Variants in MCC observed in about 807,000 individuals in gnomAD.
MCC encodes MCC regulator of Wnt signaling pathway.
In MCC, 90 loss-of-function variants were observed where a neutral mutation model predicts 116.2. The ratio of observed to expected loss-of-function variants is 0.77; its 90% CI spans 0.65 to 0.92. The LOEUF (loss-of-function observed/expected upper bound fraction) is 0.92. Among genes scored for constraint, MCC ranks in the 40% least tolerant of loss-of-function variants. MCC has a pLI of 0.00. For missense variants in MCC, 1,516 were observed against 1,312.2 expected, an observed-to-expected ratio of 1.16 and a Z score of -2.40; for synonymous variants, 578 against 510.5, an observed-to-expected ratio of 1.13 and a Z score of -1.78.
At position 113,184,397 on chromosome 5, in the gene MCC, C is replaced by G. The variant is rs561171351; in HGVS notation, c.628-32975G>C. Among the ~76,000 whole-genome samples the G allele has an allele frequency of 6.6e-5, 10 of 151,702 alleles. No individual in the cohort carries two copies. The South Asian group carries it at 2.1e-3, about 32-fold the overall frequency. On this transcript the variant is annotated intron_variant, in intron 3 of 18. Transcript: ENST00000408903. ...AAAGATGCTGGAAGAAAAATTAGAC[C>G]AACTTGTAAAACTTTACTTTGCTGA...
At chr5:113,065,368 C>A (rs1373799757) in intron 13 of MCC, among the ~76,000 whole-genome samples, 2 of 152,148 alleles carry the variant, frequency 1.3e-5, no homozygotes, top group African/African-American at 2.4e-5. Flanking sequence ...AAAAACAAAG[C>A]CTTAAAAAAA....
At chr5:113,318,936 A>T (rs1309956669) in intron 3 of MCC, among the ~76,000 whole-genome samples, 1 of 152,152 alleles carries the variant, frequency 6.6e-6, no homozygotes, top group Admixed American at 6.5e-5. Flanking sequence ...GTGTGATCTC[A>T]GCTTACCGCA....
intron 1 of MCC, among the ~76,000 whole-genome samples, chr5:113,483,496 G>T (rs1772432756): frequency 6.6e-6 from 1 of 151,952 alleles, no homozygotes; most frequent in East Asian, 1.9e-4. Flanking sequence ...AATATCCCTT[G>T]GTTATGGGAT....
chr5:113,280,286 C>T (rs1765994166), intron 3 of MCC, among the ~76,000 whole-genome samples: 1 of 152,216 alleles, frequency 6.6e-6, no homozygotes, highest in Non-Finnish European at 1.5e-5. Context: ...CAGGGGCTCA[C>T]ACCGCTGGTT....
intron 3 of MCC, among the ~76,000 whole-genome samples, chr5:113,235,911 T>C (rs144265824): frequency 6.6e-6 from 1 of 152,362 alleles, no homozygotes; most frequent in East Asian, 1.9e-4. Context: ...GACCTGATTT[T>C]GGTAGCCGTT....
chr5:113,192,831 G>T (rs1762213194), intron 3 of MCC, among the ~76,000 whole-genome samples: 1 of 152,374 alleles, frequency 6.6e-6, no homozygotes, highest in African/African-American at 2.4e-5. Flanking sequence ...CTACTAAGTA[G>T]TAGATGTCAG....
At position 113,456,747 on chromosome 5, in the gene MCC, A is replaced by C. The variant is rs1036532296; in HGVS notation, c.170+31498T>G. Reference sequence around the variant, plus strand: ...CGGCCTCCCAAAATGCTGGTATTACAGGCGTGAGCCACTGCGCCCGGCCAA... The same window carrying C: ...CGGCCTCCCAAAATGCTGGTATTACCGGCGTGAGCCACTGCGCCCGGCCAA... On this transcript the variant is annotated intron_variant, in intron 1 of 18. Coordinates refer to ENST00000408903, the MANE Select transcript of MCC (RefSeq NM_001085377.2). Among the ~76,000 whole-genome samples, 6 of 147,388 alleles carry C rather than the reference A, an allele frequency of 4.1e-5. 1 individual carries two copies. In the South Asian group the frequency reaches 1.1e-3, roughly 26 times the overall value.
At chr5:113,466,807 A>G (rs1771923203) in intron 1 of MCC, among the ~76,000 whole-genome samples, 1 of 151,892 alleles carries the variant, frequency 6.6e-6, no homozygotes, top group African/African-American at 2.4e-5. Flanking sequence ...CCAACAGTGT[A>G]AAAGTGTTCC....
chr5:113,470,394 C>T (rs1317774019), intron 1 of MCC, among the ~76,000 whole-genome samples: 6 of 150,784 alleles, frequency 4.0e-5, no homozygotes, highest in African/African-American at 1.5e-4. Context: ...CAAAATCTCT[C>T]AGCATTTGCT....
At chr5:113,276,631 G>A (rs1447947135) in intron 3 of MCC, among the ~76,000 whole-genome samples, 1 of 152,036 alleles carries the variant, frequency 6.6e-6, no homozygotes, top group Non-Finnish European at 1.5e-5. Context: ...TAAAAATCAA[G>A]TTGTTTGTTT....
intron 1 of MCC, among the ~76,000 whole-genome samples, chr5:113,410,227 C>T (rs930051369): frequency 1.3e-5 from 2 of 152,166 alleles, no homozygotes; most frequent in African/African-American, 4.8e-5. Context: ...TATACCTATA[C>T]AAGGGATACC....
intron 2 of MCC, among the ~76,000 whole-genome samples, chr5:113,375,780 A>G (rs1478661122): frequency 6.6e-6 from 1 of 152,142 alleles, no homozygotes; most frequent in Non-Finnish European, 1.5e-5. Context: ...AAGGGATTTG[A>G]GGCCTTGGCT....
At chr5:113,111,311 AT>A (rs1394956462) in intron 6 of MCC, among the ~76,000 whole-genome samples, 1 of 152,120 alleles carries the variant, frequency 6.6e-6, no homozygotes, top group Non-Finnish European at 1.5e-5. Flanking sequence ...ATCTTTGGGT[AT>A]TCCAGTTTCC....
intron 1 of MCC, among the ~76,000 whole-genome samples, chr5:113,481,148 ATTATT>A (rs1456872219): frequency 6.6e-6 from 1 of 152,214 alleles, no homozygotes; most frequent in African/African-American, 2.4e-5. Context: ...AAGTTTTAGA[ATTATT>A]TTAAACAATT....
chr5:113,037,568 C>CTGTA (rs1269225704), intron 17 of MCC, among the ~76,000 whole-genome samples: 3 of 152,160 alleles, frequency 2.0e-5, no homozygotes, highest in Non-Finnish European at 4.4e-5. Context: ...TGGTGTGCAC[C>CTGTA]TGTAGTCCAA....
chr5:113,295,032 G>T, intron 3 of MCC: 1 of 845,704 alleles, frequency 1.2e-6, no homozygotes, highest in Non-Finnish European at 1.4e-6. Flanking sequence ...GGGGCGAGTA[G>T]CCTGGAGGCC....
chr5:113,145,766 AC>A (rs1561399899), intron 4 of MCC, among the ~76,000 whole-genome samples: 11 of 48,032 alleles, frequency 2.3e-4, no homozygotes, highest in Admixed American at 5.1e-4. Flanking sequence ...ACACACACAC[AC>A]ACACACACAC....
intron 3 of MCC, among the ~76,000 whole-genome samples, chr5:113,209,475 C>T (rs1763042426): frequency 6.6e-6 from 1 of 152,200 alleles, no homozygotes; most frequent in South Asian, 2.1e-4. Flanking sequence ...AGAAAGATGA[C>T]AGAATGCATA....
Position 113,355,707 on chromosome 5 carries a change from C to A in MCC, c.416-14977G>T, listed in dbSNP as rs558237003. ...GGTAAGAAGAGAGGGCAAGGTCAAGCTCTGCAGTGTCTCTACTTATAAGGG... is the reference window on the plus strand; with the variant it reads ...GGTAAGAAGAGAGGGCAAGGTCAAGATCTGCAGTGTCTCTACTTATAAGGG... On this transcript the variant is annotated intron_variant, in intron 2 of 18. Coordinates refer to ENST00000408903, the MANE Select transcript of MCC (RefSeq NM_001085377.2). Among the ~76,000 whole-genome samples the A allele has an allele frequency of 7.9e-5, 12 of 152,198 alleles. No individual in the cohort carries two copies. In the South Asian group the frequency reaches 1.7e-3, roughly 21 times the overall value.
Sources: gnomAD v4.1 joint callset for allele counts (sites outside exome capture counted in the v4.1 genomes callset) on GRCh38, gnomAD v4.1.1 for gene constraint, MANE v1.5 for transcripts, NCBI Gene and HGNC (gene_info 2026-07-23, HGNC 2026-07-21) for gene names.